Variants in TTC6 observed in about 807,000 individuals in gnomAD.
The protein encoded by TTC6 is tetratricopeptide repeat protein 6.
Under a neutral mutation model 210.4 loss-of-function variants are expected in TTC6, and 172 were observed. The observed-to-expected ratio is 0.82, with a 90% CI of 0.72 to 0.93. TTC6 has a LOEUF of 0.93. Among genes scored for constraint, TTC6 ranks in the 40% least tolerant of loss-of-function variants. TTC6 has a pLI of 0.00. For synonymous variants in TTC6, 804 were observed against 819.6 expected (o/e 0.98, Z 0.32); for missense variants, 2,414 against 2,318.1 (o/e 1.04, Z -0.85).
chr14:37,738,502 T>C (rs1031596975), intron 9 of TTC6, among the ~76,000 whole-genome samples: 2 of 152,094 alleles, frequency 1.3e-5, no homozygotes, highest in Non-Finnish European at 2.9e-5. Context: ...AATTAAAATA[T>C]AGAAAATCAT....
intron 1 of TTC6, among the ~76,000 whole-genome samples, chr14:37,660,625 T>C (rs1321001551): frequency 1.3e-5 from 2 of 152,240 alleles, no homozygotes; most frequent in Non-Finnish European, 2.9e-5. Context: ...ATGTCTTTGC[T>C]ATTGTGGACA....
At chr14:37,629,975 T>C (rs1181965019) in intron 1 of TTC6, among the ~76,000 whole-genome samples, 1 of 152,222 alleles carries the variant, frequency 6.6e-6, no homozygotes, top group Non-Finnish European at 1.5e-5. Context: ...TCATAGTGGA[T>C]AAGCTCTTTG....
At chr14:37,720,190 C>A (rs2138796873) in intron 6 of TTC6, among the ~76,000 whole-genome samples, 1 of 152,010 alleles carries the variant, frequency 6.6e-6, no homozygotes, top group African/African-American at 2.4e-5. Context: ...CACCAAATGC[C>A]AATAAGGAAG....
intron 7 of TTC6, among the ~76,000 whole-genome samples, chr14:37,730,757 C>T (rs1223693137): frequency 6.6e-6 from 1 of 152,188 alleles, no homozygotes; most frequent in Non-Finnish European, 1.5e-5. Flanking sequence ...TTTCTAATTA[C>T]TTGCCAGGCA....
chr14:37,651,410 TATATATATATATATA>T (rs1159873510), intron 1 of TTC6, among the ~76,000 whole-genome samples: 485 of 20,868 alleles, frequency 0.023, 8 homozygotes, highest in Middle Eastern at 0.045. Flanking sequence ...TATATATATA[TATATATATATATATA>T]TTTTTTTTTT....
exon 20 of TTC6, chr14:37,796,818 C>G: frequency 6.2e-7 from 1 of 1,606,968 alleles, no homozygotes; most frequent in Non-Finnish European, 8.5e-7. Context: ...TGCAGCAAGC[C>G]CTTATTTATT....
chr14:37,741,413 C>G (rs1290232331), intron 10 of TTC6, among the ~76,000 whole-genome samples: 2 of 87,656 alleles, frequency 2.3e-5, no homozygotes, highest in African/African-American at 3.2e-5. Flanking sequence ...CTTAGCCTCC[C>G]AAGTAGCTGG....
chr14:37,790,163 G>A (rs2139327173), intron 15 of TTC6, among the ~76,000 whole-genome samples: 1 of 152,206 alleles, frequency 6.6e-6, no homozygotes, highest in African/African-American at 2.4e-5. Context: ...GCATAGTCAA[G>A]CCGTCCGCCT....
intron 2 of TTC6, among the ~76,000 whole-genome samples, chr14:37,616,112 T>C (rs2095642228): frequency 1.3e-5 from 2 of 152,206 alleles, no homozygotes; most frequent in Non-Finnish European, 1.5e-5. Context: ...TTCAGCTCTT[T>C]AAGCCTTTAC....
At chr14:37,809,302 G>T (rs1195887173) in intron 24 of TTC6, among the ~76,000 whole-genome samples, 1 of 144,014 alleles carries the variant, frequency 6.9e-6, no homozygotes, top group Non-Finnish European at 1.5e-5. Flanking sequence ...GCCCAGGCTG[G>T]AGCGCAGTGG....
intron 14 of TTC6, among the ~76,000 whole-genome samples, chr14:37,773,302 G>T (rs2096026327): frequency 6.6e-6 from 1 of 152,098 alleles, no homozygotes; most frequent in Non-Finnish European, 1.5e-5. Context: ...TGTTTTTGTT[G>T]CAATTTGCTT....
chr14:37,811,828 T>G (rs532565427), intron 24 of TTC6, among the ~76,000 whole-genome samples: 1 of 152,336 alleles, frequency 6.6e-6, no homozygotes, highest in African/African-American at 2.4e-5. Context: ...GATTTTTTCA[T>G]TGGATACAAA....
chr14:37,625,473 G>A (rs1595027301), intron 1 of TTC6, among the ~76,000 whole-genome samples: 1 of 151,676 alleles, frequency 6.6e-6, no homozygotes, highest in African/African-American at 2.4e-5. Flanking sequence ...TCTTGAACCC[G>A]GGAGGCGGAG....
At chr14:37,749,760 A>G in exon 12 of TTC6, 2 of 1,462,084 alleles carry the variant, frequency 1.4e-6, no homozygotes, top group African/African-American at 1.4e-5. Flanking sequence ...TGGCATCGAC[A>G]TTTAATTTAT....
intron 2 of TTC6, among the ~76,000 whole-genome samples, chr14:37,607,237 G>C (rs937327785): frequency 4.6e-5 from 7 of 152,182 alleles, no homozygotes; most frequent in Non-Finnish European, 1.0e-4. Flanking sequence ...TGTGTTAATA[G>C]AAGCAGACAC....
rs558092734 is a variant in TTC6 at position 37,665,592 on chromosome 14, G to A, written c.940-14559G>A. Among the ~76,000 whole-genome samples the A allele has an allele frequency of 1.5e-4, 23 of 150,484 alleles. 1 individual carries two copies. The highest frequency in any genetic ancestry group is 3.4e-3 in the Middle Eastern group (1 of 294). ...GAGATGATCTGTGCAACGAACCACC[G>A]TGGCACGTTTACCTGTATAACAAAC... is the stretch of plus-strand genomic sequence containing the variant. On this transcript the variant is annotated intron_variant, in intron 1 of 30. Coordinates refer to ENST00000553443, the Ensembl canonical transcript of TTC6.
chr14:37,829,981 C>T (rs1052873697), intron 29 of TTC6, among the ~76,000 whole-genome samples: 3 of 152,078 alleles, frequency 2.0e-5, no homozygotes, highest in African/African-American at 4.8e-5. Context: ...ATTTGCCAAA[C>T]TCCCCTTCCC....
chr14:37,829,995 A>C (rs1271804559), intron 29 of TTC6, among the ~76,000 whole-genome samples: 1 of 152,064 alleles, frequency 6.6e-6, no homozygotes, highest in East Asian at 1.9e-4. Flanking sequence ...CCTTCCCCAC[A>C]ATAATTTCTT....
chr14:37,732,444 A>C (rs1788455198), intron 7 of TTC6, among the ~76,000 whole-genome samples: 1 of 151,642 alleles, frequency 6.6e-6, no homozygotes, highest in Non-Finnish European at 1.5e-5. Flanking sequence ...TGGCCTCCCA[A>C]AGTGCTGGGA....
Sources: gnomAD v4.1 joint callset for allele counts (sites outside exome capture counted in the v4.1 genomes callset) on GRCh38, gnomAD v4.1.1 for gene constraint, MANE v1.5 for transcripts, NCBI Gene and HGNC (gene_info 2026-07-23, HGNC 2026-07-21) for gene names.